The following LMBR1 variants were observed in gnomAD, a reference collection of about 807,000 sequenced individuals.
The protein encoded by LMBR1 is limb development membrane protein 1.
Under a neutral mutation model 73.9 loss-of-function variants are expected in LMBR1, and 52 were observed. The observed-to-expected ratio is 0.70, with a 90% CI of 0.56 to 0.89. The LOEUF is 0.89. LMBR1 is among the 40% of genes least tolerant of loss of function. The pLI, the probability that LMBR1 is intolerant of heterozygous loss-of-function variation, is 0.00. For missense variants in LMBR1, 539 were observed against 579.8 expected (o/e 0.93, Z 0.72); for synonymous variants, 215 against 209.4 (o/e 1.03, Z -0.23).
intron 15 of LMBR1, among the ~76,000 whole-genome samples, chr7:156,713,266 G>A (rs918292016): frequency 1.3e-5 from 2 of 152,096 alleles, no homozygotes; most frequent in East Asian, 1.9e-4. Context: ...GACAGGGCAC[G>A]GAGGATTTTT....
At chr7:156,671,269 T>C (rs1802433892) in intron 4 of LMBR1, among the ~76,000 whole-genome samples, 1 of 152,178 alleles carries the variant, frequency 6.6e-6, no homozygotes, top group Admixed American at 6.5e-5. Flanking sequence ...GACTGAGTGC[T>C]CCAGCACCAA....
chr7:156,832,754 T>G lies in LMBR1; in HGVS notation c.179+999A>C, dbSNP rs138519609. Among the ~76,000 whole-genome samples the G allele has an allele frequency of 1.8e-3, 279 of 152,320 alleles. 1 individual carries two copies. Among genetic ancestry groups the G allele is most frequent in the Non-Finnish European group, 3.3e-3 (227 of 68,030 alleles). ...CTTCCTCATCCTCCTCAGCAAAGGA[T>G]GCATAATCTGATACTAATTATGAAG... On this transcript the variant is annotated intron_variant, in intron 3 of 16. Coordinates refer to ENST00000353442, the MANE Select transcript of LMBR1 (RefSeq NM_022458.4).
intron 15 of LMBR1, among the ~76,000 whole-genome samples, chr7:156,714,952 TTC>T (rs1812892515): frequency 6.7e-6 from 1 of 148,410 alleles, no homozygotes; most frequent in African/African-American, 2.5e-5. Context: ...AAATACTTTT[TTC>T]TTTTTTTTTT....
At chr7:156,857,687 A>G (rs779963043) in intron 1 of LMBR1, among the ~76,000 whole-genome samples, 13 of 152,222 alleles carry the variant, frequency 8.5e-5, no homozygotes, top group Non-Finnish European at 1.8e-4. Flanking sequence ...AACACTCACT[A>G]AGACATATCA....
At chr7:156,860,021 A>G (rs975305945) in intron 1 of LMBR1, among the ~76,000 whole-genome samples, 11 of 152,236 alleles carry the variant, frequency 7.2e-5, no homozygotes, top group African/African-American at 2.7e-4. Flanking sequence ...CAAAGAAGCA[A>G]TGAAGAAAGA....
At chr7:156,891,595 T>C (rs955162781) in intron 1 of LMBR1, among the ~76,000 whole-genome samples, 4 of 152,146 alleles carry the variant, frequency 2.6e-5, no homozygotes, top group African/African-American at 7.2e-5. Context: ...TCTGGGATCC[T>C]AGTAAAATTG....
At chr7:156,686,617 T>G (rs1021905454) in intron 16 of LMBR1, among the ~76,000 whole-genome samples, 8 of 152,232 alleles carry the variant, frequency 5.3e-5, no homozygotes, top group African/African-American at 1.9e-4. Flanking sequence ...CTCTCTCTTA[T>G]GGTCAAGGAA....
At chr7:156,687,042 C>T (rs1170194579) in intron 16 of LMBR1, among the ~76,000 whole-genome samples, 2 of 152,174 alleles carry the variant, frequency 1.3e-5, no homozygotes, top group South Asian at 2.1e-4. Context: ...ATATGGACAG[C>T]TCATCTGAAA....
At chr7:156,697,501 A>G (rs968816401) in intron 15 of LMBR1, among the ~76,000 whole-genome samples, 2 of 152,186 alleles carry the variant, frequency 1.3e-5, no homozygotes, top group African/African-American at 4.8e-5. Context: ...CAACCGCATA[A>G]GACAGTCATT....
At chr7:156,690,498 G>C (rs1352033311) in intron 15 of LMBR1, among the ~76,000 whole-genome samples, 1 of 152,178 alleles carries the variant, frequency 6.6e-6, no homozygotes, top group Non-Finnish European at 1.5e-5. Flanking sequence ...CATCATCACG[G>C]TAAGAATGGA....
chr7:156,793,272 T>C (rs569840878), intron 5 of LMBR1, among the ~76,000 whole-genome samples: 1 of 152,318 alleles, frequency 6.6e-6, no homozygotes, highest in East Asian at 1.9e-4. Flanking sequence ...TACAGAAATA[T>C]ACAACATGAA....
At chr7:156,862,955 G>C (rs1797937488) in intron 1 of LMBR1, among the ~76,000 whole-genome samples, 1 of 152,174 alleles carries the variant, frequency 6.6e-6, no homozygotes, top group Non-Finnish European at 1.5e-5. Context: ...GCCCACTGCA[G>C]ACCATGGGAC....
intron 5 of LMBR1, among the ~76,000 whole-genome samples, chr7:156,765,112 C>G (rs1302044568): frequency 1.3e-5 from 2 of 152,202 alleles, no homozygotes; most frequent in Admixed American, 6.5e-5. Context: ...ACAAAACACA[C>G]TACTACTTTA....
At chr7:156,824,645 C>T (rs1408852628) in intron 4 of LMBR1, among the ~76,000 whole-genome samples, 3 of 152,040 alleles carry the variant, frequency 2.0e-5, no homozygotes, top group Admixed American at 2.0e-4. Context: ...AGTTCAAAAC[C>T]AGCCTGGGAA....
At chr7:156,857,223 A>T (rs1320593353) in intron 1 of LMBR1, among the ~76,000 whole-genome samples, 1 of 152,228 alleles carries the variant, frequency 6.6e-6, no homozygotes, top group African/African-American at 2.4e-5. Flanking sequence ...CAGAGTGGAT[A>T]AAAAATACTT....
rs574771503 is a variant in LMBR1, at chr7:156,775,240, C to T, written c.424-11445G>A. ...AAAATTAGCTGGGTGTGGTGGCACA[C>T]GCCTGTAATCCCAGCTACTCAGGAG... On this transcript the variant is annotated intron_variant, in intron 5 of 16. Transcript: ENST00000353442. 7.9e-5 allele frequency among the ~76,000 whole-genome samples: 12 copies of T among 152,124 alleles called. No individual in the cohort carries two copies. The East Asian group carries it at 2.3e-3, about 29-fold the overall frequency.
chr7:156,878,452 C>G (rs947149452), intron 1 of LMBR1, among the ~76,000 whole-genome samples: 1 of 152,046 alleles, frequency 6.6e-6, no homozygotes, highest in Admixed American at 6.6e-5. Flanking sequence ...CCTTTTACAA[C>G]AGCTGCAAAA....
chr7:156,770,961 T>C (rs1825063136), intron 5 of LMBR1, among the ~76,000 whole-genome samples: 1 of 151,232 alleles, frequency 6.6e-6, no homozygotes, highest in Non-Finnish European at 1.5e-5. Flanking sequence ...AAAGTAAGTA[T>C]AATAAAAAAG....
chr7:156,849,015 G>A (rs547832218), intron 1 of LMBR1, among the ~76,000 whole-genome samples: 42 of 151,218 alleles, frequency 2.8e-4, no homozygotes, highest in Admixed American at 1.3e-3. Flanking sequence ...CTACAGACCC[G>A]AAGGAATATA....
Sources: gnomAD v4.1 joint callset for allele counts (sites outside exome capture counted in the v4.1 genomes callset) on GRCh38, gnomAD v4.1.1 for gene constraint, MANE v1.5 for transcripts, NCBI Gene and HGNC (gene_info 2026-07-23, HGNC 2026-07-21) for gene names.